CFAP70: variants seen among roughly 807,000 people sequenced by gnomAD.
CFAP70 encodes the protein cilia- and flagella-associated protein 70.
A neutral mutation model predicts 137.6 loss-of-function variants in CFAP70; 81 were observed. That is an observed-to-expected ratio of 0.59 (90% CI 0.49 to 0.71). The LOEUF is 0.71. Ranked by LOEUF, CFAP70 falls within the 30% of genes least tolerant of loss-of-function variation. The pLI, the probability that CFAP70 is intolerant of heterozygous loss-of-function variation, is 0.00. For synonymous variants in CFAP70, 382 were observed against 423.6 expected (o/e 0.90, Z 1.20); for missense variants, 976 against 1,226.7 (o/e 0.80, Z 3.05).
chr10:73,261,817 A>G lies in CFAP70; in HGVS notation c.3028-5401T>C, dbSNP rs75424338. ...CCACCATGCCTGGCCTATCTTTTTG[A>G]TTTAAGCTATTCTAGTGGGTGTGTA... On this transcript the variant is annotated intron_variant, in intron 25 of 26. Coordinates refer to ENST00000310715, the Ensembl canonical transcript of CFAP70. 9.5e-4 allele frequency among the ~76,000 whole-genome samples: 145 copies of G among 151,874 alleles called. 1 individual carries two copies. Among genetic ancestry groups the G allele is most frequent in the South Asian group, 5.4e-3 (26 of 4,814 alleles).
upstream of CFAP70, among the ~76,000 whole-genome samples, chr10:73,359,457 G>C (rs1009407763): frequency 6.6e-6 from 1 of 152,164 alleles, no homozygotes; most frequent in Non-Finnish European, 1.5e-5. Flanking sequence ...GCAGTGTTAA[G>C]AGCCAGCTTG....
At chr10:73,295,186 T>G (rs1415184094) in intron 15 of CFAP70, 1 of 153,172 alleles carries the variant, frequency 6.5e-6, no homozygotes, top group Non-Finnish European at 1.5e-5. Flanking sequence ...AGGCGTGGTG[T>G]GCACCTGTAG....
intron 7 of CFAP70, among the ~76,000 whole-genome samples, chr10:73,332,060 C>CA (rs2052164575): frequency 6.6e-6 from 1 of 152,156 alleles, no homozygotes; most frequent in East Asian, 1.9e-4. Flanking sequence ...GGTCACAAGG[C>CA]AAAAACTGCC....
intron 14 of CFAP70, among the ~76,000 whole-genome samples, chr10:73,297,884 A>AT (rs1246172028): frequency 2.6e-5 from 4 of 152,194 alleles, no homozygotes; most frequent in Admixed American, 2.0e-4. Context: ...GCACAGAGAG[A>AT]TAAAGTCACG....
intron 9 of CFAP70, among the ~76,000 whole-genome samples, chr10:73,317,050 GA>G (rs1564832369): frequency 6.6e-6 from 1 of 152,166 alleles, no homozygotes; most frequent in African/African-American, 2.4e-5. Flanking sequence ...TATTGAGAGA[GA>G]GTCTCACTCT....
rs916028081 is a variant in CFAP70, at chr10:73,351,089, A to G, written c.250+2467T>C. Among the ~76,000 whole-genome samples, 849 of 99,198 alleles carry G rather than the reference A, an allele frequency of 8.6e-3. 14 individuals carry two copies. Among genetic ancestry groups the G allele is most frequent in the African/African-American group, 0.036 (791 of 21,942 alleles). The allele number at this position is 99,198 out of a possible 152,430, so 65.1% of individuals were successfully genotyped here. A position where few individuals can be genotyped will look rare whatever the true frequency, so the allele number is the denominator to read the frequency against. The stretch of plus-strand genomic sequence containing the variant: ...TGTGTGTGTATATATATATATATAT[A>G]TATATATATATATATATATATATGT... On this transcript the variant is annotated intron_variant, in intron 3 of 26. Transcript: ENST00000310715.
intron 12 of CFAP70, among the ~76,000 whole-genome samples, chr10:73,305,447 C>A (rs1349471765): frequency 1.3e-5 from 2 of 152,082 alleles, no homozygotes. Flanking sequence ...TTAAAGTTGA[C>A]CAGAGAAAAC....
chr10:73,354,310 G>A (rs1314940276), intron 2 of CFAP70, among the ~76,000 whole-genome samples: 1 of 151,896 alleles, frequency 6.6e-6, no homozygotes, highest in Non-Finnish European at 1.5e-5. Context: ...CATCCTCTTT[G>A]GAATGATCTT....
intron 7 of CFAP70, among the ~76,000 whole-genome samples, chr10:73,331,878 G>A (rs1230896975): frequency 6.6e-6 from 1 of 152,064 alleles, no homozygotes; most frequent in Non-Finnish European, 1.5e-5. Context: ...TTATTCTAAA[G>A]AAATAATCAG....
chr10:73,293,374 A>G (rs766798624), exon 16 of CFAP70: 2 of 1,602,222 alleles, frequency 1.2e-6, no homozygotes, highest in Non-Finnish European at 1.7e-6. Context: ...TGCCTTGGAC[A>G]TCATCTGGCA....
chr10:73,299,586 A>G lies in CFAP70; in HGVS notation c.1317+19T>C, dbSNP rs755204537. 1.2e-6 allele frequency: 2 copies of G among 1,608,740 alleles called. No individual in the cohort carries two copies. Among genetic ancestry groups the G allele is most frequent in the Non-Finnish European group, 1.7e-6 (2 of 1,175,552 alleles). On this transcript the variant is annotated intron_variant, in intron 13 of 26. Transcript: ENST00000310715. Reference sequence around the variant, plus strand: ...CAATATCTTATTACTTATCATTTCAACTTGGCTTTGGCACTTGCCTTCTGA... The same window carrying G: ...CAATATCTTATTACTTATCATTTCAGCTTGGCTTTGGCACTTGCCTTCTGA...
At chr10:73,345,338 A>G (rs914685731) in intron 4 of CFAP70, 94 bp from the exon 6 acceptor site, 3 of 1,126,820 alleles carry the variant, frequency 2.7e-6, no homozygotes, top group Non-Finnish European at 3.9e-6. Context: ...ACTGTTCAAG[A>G]TAAGAAGGTA....
At chr10:73,264,931 T>C (rs1394428437) in intron 25 of CFAP70, among the ~76,000 whole-genome samples, 2 of 152,218 alleles carry the variant, frequency 1.3e-5, no homozygotes, top group Non-Finnish European at 2.9e-5. Flanking sequence ...CACAGTGTCA[T>C]CCCTCTCATT....
chr10:73,324,495 T>A (rs988432936), intron 8 of CFAP70, among the ~76,000 whole-genome samples: 2 of 152,188 alleles, frequency 1.3e-5, no homozygotes, highest in African/African-American at 2.4e-5. Flanking sequence ...AGAATGACTT[T>A]GACGAGTTGA....
chr10:73,360,362 A>C (rs913477604), upstream of CFAP70, among the ~76,000 whole-genome samples: 2 of 152,226 alleles, frequency 1.3e-5, no homozygotes, highest in Admixed American at 1.3e-4. Context: ...ACATATGCAC[A>C]TGCATGCACA....
chr10:73,255,829 G>A (rs112314013), intron 26 of CFAP70, among the ~76,000 whole-genome samples: 15,987 of 152,040 alleles, frequency 0.11, 1,200 homozygotes, highest in East Asian at 0.3. Context: ...ACAGGCGTGA[G>A]CCACCATGCC....
At chr10:73,326,371 A>T (rs11593070) in intron 8 of CFAP70, among the ~76,000 whole-genome samples, 12 of 147,836 alleles carry the variant, frequency 8.1e-5, no homozygotes, top group Non-Finnish European at 1.0e-4. Flanking sequence ...CTAAATGCCC[A>T]CAAGAGAAAG....
chr10:73,269,235 A>G (rs2046039888), intron 25 of CFAP70, among the ~76,000 whole-genome samples: 1 of 152,082 alleles, frequency 6.6e-6, no homozygotes, highest in African/African-American at 2.4e-5. Flanking sequence ...GAACTCCCAC[A>G]TTACCCTCCA....
intron 12 of CFAP70, among the ~76,000 whole-genome samples, chr10:73,303,747 C>T (rs2049143824): frequency 6.6e-6 from 1 of 152,238 alleles, no homozygotes; most frequent in East Asian, 1.9e-4. Context: ...AAAATTGCTT[C>T]TGTATTTGTT....
Sources: gnomAD v4.1 joint callset for allele counts (sites outside exome capture counted in the v4.1 genomes callset) on GRCh38, gnomAD v4.1.1 for gene constraint, MANE v1.5 for transcripts, NCBI Gene and HGNC (gene_info 2026-07-23, HGNC 2026-07-21) for gene names.